The following APP variants were observed in gnomAD, a reference collection of about 807,000 sequenced individuals.
APP encodes amyloid-beta precursor protein.
In APP, 31 loss-of-function variants were observed where a neutral mutation model predicts 101.4. The ratio of observed to expected loss-of-function variants is 0.31; its 90% CI spans 0.23 to 0.41. The LOEUF is 0.41. Among genes scored for constraint, APP ranks in the 10% least tolerant of loss-of-function variants. The probability of loss-of-function intolerance (pLI) is 1.00; values close to 1 mark genes in which losing one functional copy is unlikely to be tolerated. For synonymous variants in APP, 366 were observed against 364.4 expected, an observed-to-expected ratio of 1.00 and a Z score of -0.05; for missense variants, 839 against 1,003.7, an observed-to-expected ratio of 0.84 and a Z score of 2.22.
chr21:26,015,797 TG>T (rs35814504), intron 6 of APP, among the ~76,000 whole-genome samples: 152,340 of 152,340 alleles, frequency 1, 76,170 homozygotes, highest in Non-Finnish European at 1. Context: ...GGTTAGCAAA[TG>T]GTTTACTGAA....
chr21:26,048,210 C>A (rs1291918932), intron 5 of APP, among the ~76,000 whole-genome samples: 2 of 151,912 alleles, frequency 1.3e-5, no homozygotes. Context: ...GTAATCCCAG[C>A]TACTTAGGAG....
intron 1 of APP, among the ~76,000 whole-genome samples, chr21:26,120,983 C>A (rs986491368): frequency 0.017 from 1 of 58 alleles, no homozygotes; most frequent in African/African-American, 0.1. Context: ...TCTTGCCACA[C>A]GTAGGCTCCC....
At chr21:26,100,307 G>C (rs2062028383) in intron 2 of APP, among the ~76,000 whole-genome samples, 1 of 152,114 alleles carries the variant, frequency 6.6e-6, no homozygotes, top group East Asian at 1.9e-4. Context: ...CATATAGACA[G>C]CCTGATCCCT....
chr21:25,912,433 A>G (rs1355061588), intron 13 of APP, among the ~76,000 whole-genome samples: 3 of 152,222 alleles, frequency 2.0e-5, no homozygotes, highest in Non-Finnish European at 4.4e-5. Context: ...ACTTGCAAGG[A>G]TAAGAAAAGC....
chr21:26,033,331 T>G (rs2044928910), intron 5 of APP, among the ~76,000 whole-genome samples: 1 of 152,232 alleles, frequency 6.6e-6, no homozygotes, highest in African/African-American at 2.4e-5. Context: ...CTCTTCTCTT[T>G]CCTGCCGCCT....
rs188172998 is a variant in APP at position 25,884,261 on chromosome 21, C to A, written c.2212-2490G>T. 2.5e-3 allele frequency among the ~76,000 whole-genome samples: 375 copies of A among 152,282 alleles called. 3 individuals are homozygous for A. The highest frequency in any genetic ancestry group is 8.5e-3 in the African/African-American group (355 of 41,548). On this transcript the variant is annotated intron_variant, in intron 17 of 17. Transcript: ENST00000346798. ...CCATCTACCACCCTGTGGCTCAGAG[C>A]TGCCTGAGTTCCCCTGCATCCAAAC...
intron 9 of APP, among the ~76,000 whole-genome samples, chr21:25,981,711 GTTTT>G (rs11330953): frequency 1.6e-5 from 2 of 127,356 alleles, no homozygotes; most frequent in Non-Finnish European, 3.4e-5. Context: ...ACCAAAACAG[GTTTT>G]TTTTTTTTTT....
chr21:26,117,400 G>A (rs918893087), intron 1 of APP, among the ~76,000 whole-genome samples: 1 of 152,230 alleles, frequency 6.6e-6, no homozygotes, highest in African/African-American at 2.4e-5. Flanking sequence ...TCATCTGTAG[G>A]GTTTTCTTTT....
At chr21:25,969,081 T>C (rs1169741668) in intron 11 of APP, among the ~76,000 whole-genome samples, 1 of 151,810 alleles carries the variant, frequency 6.6e-6, no homozygotes, top group Non-Finnish European at 1.5e-5. Flanking sequence ...TAATTACGCC[T>C]GCAATCTCAG....
chr21:26,155,500 C>T (rs187021319), intron 1 of APP, among the ~76,000 whole-genome samples: 60 of 152,230 alleles, frequency 3.9e-4, no homozygotes, highest in Non-Finnish European at 4.4e-4. Context: ...CTGGATAATT[C>T]TGCTTTAAAG....
At chr21:26,130,492 G>A (rs2062772579) in intron 1 of APP, among the ~76,000 whole-genome samples, 1 of 152,262 alleles carries the variant, frequency 6.6e-6, no homozygotes, top group Non-Finnish European at 1.5e-5. Flanking sequence ...CTGTGGCTTA[G>A]AGCTGAGGAG....
intron 1 of APP, chr21:26,140,394 C>T (rs1440887137): frequency 8.3e-6 from 12 of 1,445,326 alleles, no homozygotes; most frequent in Admixed American, 2.6e-5. Flanking sequence ...GCTATTTAGG[C>T]GTGGATCACA....
chr21:26,108,120 G>A (rs1371836578), intron 2 of APP, among the ~76,000 whole-genome samples: 1 of 152,094 alleles, frequency 6.6e-6, no homozygotes, highest in African/African-American at 2.4e-5. Flanking sequence ...CTGGTGGCTC[G>A]GGATAGCACA....
chr21:25,989,841 G>A (rs1358162853), intron 8 of APP, among the ~76,000 whole-genome samples: 3 of 151,690 alleles, frequency 2.0e-5, no homozygotes, highest in Non-Finnish European at 2.9e-5. Flanking sequence ...ACTTGTTAGC[G>A]TTCATGTGAA....
Position 26,160,252 on chromosome 21 carries a change from C to T in APP, c.57+10312G>A, listed in dbSNP as rs574328207. 4.6e-4 allele frequency among the ~76,000 whole-genome samples: 70 copies of T among 152,256 alleles called. 2 individuals are homozygous for T. In the South Asian group the frequency reaches 0.014, roughly 31 times the overall value. ...TCAAATGTACTCTTAAAAGTGAAAC[C>T]CTCCACAATTCAACTAGCAGCAGTT... On this transcript the variant is annotated intron_variant, in intron 1 of 17. Transcript: ENST00000346798.
At chr21:25,990,051 TAC>T (rs1371034167) in intron 8 of APP, among the ~76,000 whole-genome samples, 1 of 151,932 alleles carries the variant, frequency 6.6e-6, no homozygotes, top group African/African-American at 2.4e-5. Context: ...AACAAGAAAA[TAC>T]AGTTTGTGAT....
chr21:26,159,532 C>A (rs1010438891), intron 1 of APP, among the ~76,000 whole-genome samples: 2 of 152,210 alleles, frequency 1.3e-5, no homozygotes, highest in Non-Finnish European at 1.5e-5. Context: ...AACCTTCCCC[C>A]TCATCTGCAC....
rs779041605 is a variant in APP, at chr21:25,911,731, G to T, written c.1909+10C>A. 6.2e-7 allele frequency: 1 copy of T among 1,613,474 alleles called. No homozygotes were observed. The highest frequency in any genetic ancestry group is 1.3e-5 in the African/African-American group (1 of 75,006). On this transcript the variant is annotated intron_variant, in intron 14 of 17. Coordinates refer to ENST00000346798, the MANE Select transcript of APP (RefSeq NM_000484.4). ...CCCAGAACGCCCTTGCTGGCTCAGGGGACTCTTACCTTCGTTTTCTGTGTT... is the reference window on the plus strand; with the variant it reads ...CCCAGAACGCCCTTGCTGGCTCAGGTGACTCTTACCTTCGTTTTCTGTGTT...
chr21:25,908,741 G>A (rs2038915424), intron 14 of APP, among the ~76,000 whole-genome samples: 1 of 147,374 alleles, frequency 6.8e-6, no homozygotes, highest in Admixed American at 6.8e-5. Flanking sequence ...CAGGAATTTT[G>A]CTAAGAGCTT....
Sources: allele counts gnomAD v4.1 joint callset (sites outside exome capture counted in the v4.1 genomes callset), GRCh38; gene constraint gnomAD v4.1.1; transcripts MANE v1.5; gene names NCBI Gene and HGNC (gene_info 2026-07-23, HGNC 2026-07-21).